The following COLEC10 variants were observed in gnomAD, a reference collection of about 807,000 sequenced individuals.
The protein encoded by COLEC10 is collectin-10.
Under a neutral mutation model 28.4 loss-of-function variants are expected in COLEC10, and 22 were observed. The observed-to-expected ratio is 0.78, with a 90% CI of 0.55 to 1.11. The LOEUF is 1.11. Among genes scored for constraint, COLEC10 ranks in the 50% least tolerant of loss-of-function variants. The pLI, the probability that COLEC10 is intolerant of heterozygous loss-of-function variation, is 0.00. For missense variants in COLEC10, 361 were observed against 344.1 expected (o/e 1.05, Z -0.39); for synonymous variants, 125 against 116.1 (o/e 1.08, Z -0.49).
chr8:118,965,943 A>G, the COLEC10 span, among the ~76,000 whole-genome samples: 2 of 152,100 alleles, frequency 1.3e-5, no homozygotes, highest in Non-Finnish European at 2.9e-5. Flanking sequence ...GGCTGTTGAT[A>G]TTTCTAGTGA....
intron 1 of COLEC10, among the ~76,000 whole-genome samples, chr8:119,004,041 C>T (rs970039017): frequency 2.6e-5 from 4 of 152,144 alleles, no homozygotes; most frequent in Admixed American, 1.3e-4. Context: ...AGGACATATG[C>T]TTAACCTAAC....
chr8:118,974,351 T>C, the COLEC10 span, among the ~76,000 whole-genome samples: 1 of 151,848 alleles, frequency 6.6e-6, no homozygotes, highest in African/African-American at 2.4e-5. Context: ...ACTTAAGAAG[T>C]AGAAAAAGGG....
the COLEC10 span, among the ~76,000 whole-genome samples, chr8:118,952,356 T>TA: frequency 6.6e-6 from 1 of 152,174 alleles, no homozygotes; most frequent in Non-Finnish European, 1.5e-5. Context: ...CCCAGACCTT[T>TA]GTCCTCTCGC....
chr8:118,988,294 CAG>C, the COLEC10 span, among the ~76,000 whole-genome samples: 2,475 of 152,062 alleles, frequency 0.016, 64 homozygotes, highest in African/African-American at 0.057. Context: ...GCGGTGGAGA[CAG>C]GGGTAGGGGA....
At chr8:118,995,696 A>G (rs1214989779) in intron 1 of COLEC10, 1 of 152,112 alleles carries the variant, frequency 6.6e-6, no homozygotes, top group African/African-American at 2.4e-5. Context: ...ATAGTTTGGT[A>G]GAGTAACACA....
At chr8:118,977,302 T>C in the COLEC10 span, among the ~76,000 whole-genome samples, 4,332 of 148,106 alleles carry the variant, frequency 0.029, 184 homozygotes, top group East Asian at 0.17. Context: ...CATGCACACG[T>C]ATGTTTATTG....
intron 2 of COLEC10, among the ~76,000 whole-genome samples, chr8:119,038,488 C>G (rs1814432279): frequency 6.6e-6 from 1 of 152,108 alleles, no homozygotes; most frequent in Non-Finnish European, 1.5e-5. Flanking sequence ...ACTTTCTTAT[C>G]CTTGGGATGT....
chr8:119,007,778 A>G (rs1813830740), intron 1 of COLEC10, among the ~76,000 whole-genome samples: 1 of 150,998 alleles, frequency 6.6e-6, no homozygotes, highest in African/African-American at 2.5e-5. Context: ...CATATCCAAT[A>G]TGTACCAGAA....
chr8:119,061,645 A>G (rs1034162966), intron 2 of COLEC10, among the ~76,000 whole-genome samples: 1 of 152,092 alleles, frequency 6.6e-6, no homozygotes. Flanking sequence ...TTGAAGGTAC[A>G]ATTACTATAT....
intron 1 of COLEC10, among the ~76,000 whole-genome samples, chr8:119,003,677 A>G (rs116357080): frequency 5.8e-4 from 88 of 152,178 alleles, no homozygotes; most frequent in African/African-American, 2.1e-3. Context: ...TACAAGCTTC[A>G]TAGTAAGAGA....
At chr8:119,060,331 T>C (rs1410761967) in intron 2 of COLEC10, among the ~76,000 whole-genome samples, 1 of 152,136 alleles carries the variant, frequency 6.6e-6, no homozygotes, top group African/African-American at 2.4e-5. Context: ...AAGATGTAAG[T>C]TGATAATACA....
chr8:119,027,299 C>T (rs1300719369), intron 2 of COLEC10, among the ~76,000 whole-genome samples: 1 of 152,096 alleles, frequency 6.6e-6, no homozygotes, highest in Non-Finnish European at 1.5e-5. Flanking sequence ...TAGACTGATG[C>T]CCACATTTAA....
At chr8:119,082,790 T>G (rs1444544159) in intron 1 of COLEC10, among the ~76,000 whole-genome samples, 2 of 152,234 alleles carry the variant, frequency 1.3e-5, no homozygotes, top group Non-Finnish European at 2.9e-5. Flanking sequence ...TCTTTGTATT[T>G]ACCTTACAGT....
chr8:118,977,572 G>GGGGAACA, the COLEC10 span, among the ~76,000 whole-genome samples: 1 of 138,172 alleles, frequency 7.2e-6, no homozygotes, highest in Non-Finnish European at 1.5e-5. Flanking sequence ...GACACAGGAA[G>GGGGAACA]GGGAACATCA....
chr8:118,985,506 A>T, the COLEC10 span, among the ~76,000 whole-genome samples: 13,179 of 150,866 alleles, frequency 0.087, 841 homozygotes, highest in African/African-American at 0.18. Context: ...GTGTTATTTT[A>T]AAAAAAAAGG....
chr8:118,970,695 A>C, the COLEC10 span, among the ~76,000 whole-genome samples: 2 of 151,826 alleles, frequency 1.3e-5, no homozygotes, highest in Non-Finnish European at 2.9e-5. Context: ...GATCATTAGA[A>C]AGCATTGTGG....
chr8:119,050,139 A>C (rs945089909), intron 2 of COLEC10, among the ~76,000 whole-genome samples: 7 of 152,188 alleles, frequency 4.6e-5, no homozygotes, highest in African/African-American at 1.7e-4. Context: ...TTGCAACATG[A>C]ATGTTCCCTA....
chr8:119,026,921 G>T (rs1277782629), intron 2 of COLEC10, among the ~76,000 whole-genome samples: 1 of 152,162 alleles, frequency 6.6e-6, no homozygotes, highest in Non-Finnish European at 1.5e-5. Flanking sequence ...TGGGCAATGT[G>T]ACTTCTAATG....
chr8:119,019,542 C>T (rs1440930288), intron 2 of COLEC10, among the ~76,000 whole-genome samples: 1 of 152,098 alleles, frequency 6.6e-6, no homozygotes, highest in Non-Finnish European at 1.5e-5. Context: ...TTCCATTTTT[C>T]CCCGATTGTC....
Sources: allele counts gnomAD v4.1 joint callset (sites outside exome capture counted in the v4.1 genomes callset), GRCh38; gene constraint gnomAD v4.1.1; transcripts MANE v1.5; gene names NCBI Gene and HGNC (gene_info 2026-07-23, HGNC 2026-07-21).